Variants in NCAM2 observed in about 807,000 individuals in gnomAD.
NCAM2 encodes N-CAM-2.
NCAM2 carries 30 observed loss-of-function variants against 98.1 expected under a neutral mutation model. The ratio of observed to expected loss-of-function variants is 0.31; its 90% CI spans 0.23 to 0.41. The LOEUF (loss-of-function observed/expected upper bound fraction) is 0.41. Ranked by LOEUF, NCAM2 falls within the 10% of genes least tolerant of loss-of-function variation. The pLI is 1.00. For synonymous variants in NCAM2, 368 were observed against 342.4 expected, an observed-to-expected ratio of 1.07 and a Z score of -0.83; for missense variants, 867 against 1,005.8, an observed-to-expected ratio of 0.86 and a Z score of 1.87.
At chr21:21,010,953 G>A (rs1049335431) in intron 1 of NCAM2, among the ~76,000 whole-genome samples, 10 of 152,088 alleles carry the variant, frequency 6.6e-5, no homozygotes, top group Admixed American at 4.6e-4. Flanking sequence ...AAAGGGGAAT[G>A]GGAATGTGGG....
At chr21:21,425,751 G>A (rs543441336) in intron 11 of NCAM2, among the ~76,000 whole-genome samples, 1 of 152,224 alleles carries the variant, frequency 6.6e-6, no homozygotes, top group East Asian at 1.9e-4. Flanking sequence ...ATAATAATTT[G>A]GATTTGGCAA....
intron 14 of NCAM2, among the ~76,000 whole-genome samples, chr21:21,470,625 G>A (rs1373601209): frequency 6.6e-6 from 1 of 151,926 alleles, no homozygotes; most frequent in Admixed American, 6.6e-5. Context: ...TTTCTTCCCA[G>A]TTACCCAGTG....
intron 8 of NCAM2, among the ~76,000 whole-genome samples, chr21:21,341,273 C>A (rs1441002064): frequency 6.6e-6 from 1 of 151,954 alleles, no homozygotes; most frequent in African/African-American, 2.4e-5. Flanking sequence ...CGTGGGAAGA[C>A]TATGAAAATG....
Position 21,051,718 on chromosome 21 carries a change from G to T in NCAM2, c.55+53100G>T, listed in dbSNP as rs1384803393. Reference sequence around the variant, plus strand: ...CATTTCTGTAAATTTGGCCACATTTGCTGGTTTACAACCTCTGTTGCCTGT... The same window carrying T: ...CATTTCTGTAAATTTGGCCACATTTTCTGGTTTACAACCTCTGTTGCCTGT... On this transcript the variant is annotated intron_variant, in intron 1 of 17. Transcript: ENST00000400546. Among the ~76,000 whole-genome samples the T allele has an allele frequency of 2.0e-5, 3 of 152,320 alleles. No individual in the cohort carries two copies. In the East Asian group the frequency reaches 5.8e-4, roughly 29 times the overall value.
rs181700096 is a variant in NCAM2, at chr21:21,142,415, G to A, written c.56-138163G>A. On this transcript the variant is annotated intron_variant, in intron 1 of 17. Transcript: ENST00000400546. Reference sequence around the variant, plus strand: ...TTTTTTTGAGATAGAGTCTCACCCTGTCGTCCAGGCTGGAGTGCAGTGGCG... The same window carrying A: ...TTTTTTTGAGATAGAGTCTCACCCTATCGTCCAGGCTGGAGTGCAGTGGCG... Among the ~76,000 whole-genome samples the A allele has an allele frequency of 5.4e-3, 576 of 107,240 alleles. 4 individuals are homozygous for A. The highest frequency in any genetic ancestry group is 0.053 in the Middle Eastern group (4 of 76). The allele number at this position is 107,240 out of a possible 152,430, so 70.4% of individuals were successfully genotyped here.
At chr21:21,170,036 A>G (rs1282098133) in intron 1 of NCAM2, among the ~76,000 whole-genome samples, 4 of 152,214 alleles carry the variant, frequency 2.6e-5, no homozygotes, top group Non-Finnish European at 4.4e-5. Flanking sequence ...AGAGAATTAT[A>G]AATTAAAACA....
At chr21:21,431,772 AT>A (rs1027557564) in intron 11 of NCAM2, among the ~76,000 whole-genome samples, 2 of 150,402 alleles carry the variant, frequency 1.3e-5, no homozygotes, top group Non-Finnish European at 1.5e-5. Flanking sequence ...TCTCTCTTTT[AT>A]TTTTTTTTCT....
intron 8 of NCAM2, among the ~76,000 whole-genome samples, chr21:21,370,226 T>G (rs1181589335): frequency 6.6e-6 from 1 of 151,830 alleles, no homozygotes; most frequent in Non-Finnish European, 1.5e-5. Context: ...TATATCAGCA[T>G]GCATTATAAT....
At chr21:21,372,823 A>G (rs1437246768) in intron 8 of NCAM2, among the ~76,000 whole-genome samples, 2 of 151,778 alleles carry the variant, frequency 1.3e-5, no homozygotes, top group East Asian at 1.9e-4. Flanking sequence ...ATTTTTACTA[A>G]TAACATCTAT....
At position 21,501,960 on chromosome 21, in the gene NCAM2, G is replaced by A. The variant is rs561526202; in HGVS notation, c.2078-6891G>A. On this transcript the variant is annotated intron_variant, in intron 15 of 17. Coordinates refer to ENST00000400546, the MANE Select transcript of NCAM2 (RefSeq NM_004540.5). ...CTGATAATACATTTCCCAGAAATTG[G>A]TAAATAAGAGTAATTAGATACCTTC... Among the ~76,000 whole-genome samples the A allele has an allele frequency of 5.3e-5, 8 of 152,004 alleles. No individual in the cohort carries two copies. The South Asian group carries it at 1.2e-3, about 24-fold the overall frequency.
At chr21:21,113,671 A>C (rs908890587) in intron 1 of NCAM2, among the ~76,000 whole-genome samples, 5 of 152,194 alleles carry the variant, frequency 3.3e-5, no homozygotes, top group African/African-American at 1.2e-4. Context: ...TCAGGGAAGT[A>C]CTAGGAATTG....
intron 14 of NCAM2, among the ~76,000 whole-genome samples, chr21:21,474,921 A>G (rs774343910): frequency 3.4e-4 from 51 of 151,634 alleles, no homozygotes; most frequent in Non-Finnish European, 6.2e-4. Flanking sequence ...TACATTTAAC[A>G]TATCATCTCA....
At position 21,540,014 on chromosome 21, in the gene NCAM2, CA is replaced by C. The variant is rs1189006977; in HGVS notation, c.*2059del. 2.6e-5 allele frequency: 4 copies of C among 151,988 alleles called. No individual in the cohort carries two copies. The highest frequency in any genetic ancestry group is 9.7e-5 in the African/African-American group (4 of 41,404). 9.4% of individuals were successfully genotyped at this position (151,988 alleles called of 1,614,324 possible). ...CAAGCTTAGTAAAGTGTCCATGAAGCAATAGCCATGAATGCTAATTATTTCT... is the reference window on the plus strand; with the variant it reads ...CAAGCTTAGTAAAGTGTCCATGAAGCATAGCCATGAATGCTAATTATTTCT... On this transcript the variant is annotated 3_prime_UTR_variant, in exon 18 of 18. Coordinates refer to ENST00000400546, the MANE Select transcript of NCAM2 (RefSeq NM_004540.5).
At chr21:21,339,665 C>T (rs539141435) in intron 8 of NCAM2, among the ~76,000 whole-genome samples, 2 of 151,914 alleles carry the variant, frequency 1.3e-5, no homozygotes, top group East Asian at 3.9e-4. Flanking sequence ...GATTTATTAA[C>T]ATTGATAGTA....
intron 12 of NCAM2, among the ~76,000 whole-genome samples, chr21:21,464,406 C>G (rs1274857674): frequency 1.3e-5 from 2 of 152,030 alleles, no homozygotes; most frequent in Non-Finnish European, 1.5e-5. Flanking sequence ...GCCTAGCTCA[C>G]CTTTGCTTTT....
chr21:21,026,757 T>A (rs79544055), intron 1 of NCAM2, among the ~76,000 whole-genome samples: 152,298 of 152,298 alleles, frequency 1, 76,149 homozygotes, highest in Non-Finnish European at 1. Context: ...TTGTTTTTTC[T>A]CATTTTGTGG....
rs8127808 is a variant in NCAM2, at chr21:21,023,489, A to G, written c.55+24871A>G. On this transcript the variant is annotated intron_variant, in intron 1 of 17. Coordinates refer to ENST00000400546, the MANE Select transcript of NCAM2 (RefSeq NM_004540.5). Reference sequence around the variant, plus strand: ...CAGTGAGCCAACGTTGTGCCACTGCACTCCAGTCTGGGTGACAGAGTGAGA... The same window carrying G: ...CAGTGAGCCAACGTTGTGCCACTGCGCTCCAGTCTGGGTGACAGAGTGAGA... 7.1e-3 allele frequency among the ~76,000 whole-genome samples: 1,069 copies of G among 151,620 alleles called. 9 individuals are homozygous for G. The highest frequency in any genetic ancestry group is 0.024 in the African/African-American group (976 of 41,272).
At chr21:21,120,594 G>A (rs888953870) in intron 1 of NCAM2, among the ~76,000 whole-genome samples, 2 of 152,170 alleles carry the variant, frequency 1.3e-5, no homozygotes, top group Non-Finnish European at 2.9e-5. Context: ...AATGAAAAAG[G>A]AGCCTGTTTG....
intron 1 of NCAM2, among the ~76,000 whole-genome samples, chr21:21,256,152 C>T (rs1404314888): frequency 1.3e-5 from 2 of 151,912 alleles, no homozygotes; most frequent in South Asian, 2.1e-4. Context: ...GTCAGGAGTT[C>T]AAGACCAGCT....
Sources: allele counts gnomAD v4.1 joint callset (sites outside exome capture counted in the v4.1 genomes callset), GRCh38; gene constraint gnomAD v4.1.1; transcripts MANE v1.5; gene names NCBI Gene and HGNC (gene_info 2026-07-23, HGNC 2026-07-21).